Variants in XKR6 observed in about 807,000 individuals in gnomAD.
XKR6 encodes the protein XK-related protein 6.
In XKR6, 22 loss-of-function variants were observed where a neutral mutation model predicts 56.7. The observed-to-expected ratio is 0.39, with a 90% CI of 0.28 to 0.55. The LOEUF (loss-of-function observed/expected upper bound fraction) is 0.55, where lower values mean the gene tolerates loss of function less well. XKR6 is among the 20% of genes least tolerant of loss of function. The pLI, the probability that XKR6 is intolerant of heterozygous loss-of-function variation, is 0.66. For missense variants in XKR6, 852 were observed against 889.0 expected, an observed-to-expected ratio of 0.96 and a Z score of 0.53; for synonymous variants, 524 against 387.8, an observed-to-expected ratio of 1.35 and a Z score of -4.13.
intron 1 of XKR6, among the ~76,000 whole-genome samples, chr8:11,152,287 C>CAA (rs1801306547): frequency 6.6e-6 from 1 of 151,934 alleles, no homozygotes. Context: ...TCTACAGTTG[C>CAA]CCTTCCTGAA....
chr8:10,974,578 C>T (rs1802499410), intron 1 of XKR6, among the ~76,000 whole-genome samples: 1 of 152,272 alleles, frequency 6.6e-6, no homozygotes, highest in South Asian at 2.1e-4. Context: ...TTATTTCATC[C>T]CCACTCCCAG....
chr8:11,023,147 A>G (rs1272460097), intron 1 of XKR6, among the ~76,000 whole-genome samples: 1 of 152,218 alleles, frequency 6.6e-6, no homozygotes. Context: ...GGCGGTGAGA[A>G]AATGGGCAGG....
At chr8:11,118,815 C>T (rs550850033) in intron 1 of XKR6, among the ~76,000 whole-genome samples, 1 of 152,282 alleles carries the variant, frequency 6.6e-6, no homozygotes, top group African/African-American at 2.4e-5. Flanking sequence ...TCCTTCAGTT[C>T]TGCCCTGATC....
chr8:11,082,330 C>T (rs182843346), intron 1 of XKR6, among the ~76,000 whole-genome samples: 12 of 152,300 alleles, frequency 7.9e-5, no homozygotes, highest in South Asian at 2.1e-4. Flanking sequence ...CACCCCGTTA[C>T]GAATGTGGGA....
chr8:10,994,477 A>C (rs1798065081), intron 1 of XKR6, among the ~76,000 whole-genome samples: 1 of 152,178 alleles, frequency 6.6e-6, no homozygotes, highest in Non-Finnish European at 1.5e-5. Context: ...TCTTTGCCAG[A>C]GGAAGGGCAG....
At chr8:11,062,559 G>A (rs1025224752) in intron 1 of XKR6, 4 of 360,152 alleles carry the variant, frequency 1.1e-5, no homozygotes, top group African/African-American at 8.6e-5. Context: ...GGCAAAACAG[G>A]GGCTGATTGG....
chr8:10,975,377 C>T (rs1358640646), intron 1 of XKR6, among the ~76,000 whole-genome samples: 1 of 152,226 alleles, frequency 6.6e-6, no homozygotes, highest in East Asian at 1.9e-4. Flanking sequence ...CCAGTGTCCT[C>T]CCCAGCGCGC....
intron 1 of XKR6, among the ~76,000 whole-genome samples, chr8:11,154,808 G>A (rs1356682749): frequency 6.6e-6 from 1 of 152,148 alleles, no homozygotes; most frequent in Admixed American, 6.5e-5. Flanking sequence ...GAAAACAAAA[G>A]TACCTTGTCT....
chr8:11,061,676 G>A (rs1322425814), intron 1 of XKR6, among the ~76,000 whole-genome samples: 1 of 152,140 alleles, frequency 6.6e-6, no homozygotes, highest in Admixed American at 6.5e-5. Flanking sequence ...CCTGGGGGCT[G>A]TGAAAGTACA....
intron 1 of XKR6, among the ~76,000 whole-genome samples, chr8:10,983,550 C>T (rs1563327350): frequency 1.3e-5 from 2 of 152,174 alleles, no homozygotes. Context: ...AAGAACTTGG[C>T]CCACTAGGTT....
chr8:11,118,919 C>A (rs534011689), intron 1 of XKR6, among the ~76,000 whole-genome samples: 2 of 152,268 alleles, frequency 1.3e-5, no homozygotes, highest in African/African-American at 4.8e-5. Flanking sequence ...AATTTTAGAT[C>A]TTTCCTGCTT....
rs1798373448 is a variant in XKR6 at position 11,006,562 on chromosome 8, G to T, written c.765-81732C>A. On this transcript the variant is annotated intron_variant, in intron 1 of 2. Coordinates refer to ENST00000416569, the MANE Select transcript of XKR6 (RefSeq NM_173683.4). ...AGTAAGGCATCTGTAGATGAACAGG[G>T]TTGTGGGTACACACAGAGTGAAGAC... 4.6e-5 allele frequency among the ~76,000 whole-genome samples: 7 copies of T among 152,290 alleles called. No individual in the cohort carries two copies. In the South Asian group the frequency reaches 1.5e-3, roughly 32 times the overall value.
At chr8:10,971,996 G>A (rs555381625) in intron 1 of XKR6, among the ~76,000 whole-genome samples, 5 of 152,134 alleles carry the variant, frequency 3.3e-5, no homozygotes, top group African/African-American at 9.7e-5. Flanking sequence ...CTCCACCTCC[G>A]ATCAATCCCA....
At chr8:11,004,026 C>T (rs1292607432) in intron 1 of XKR6, among the ~76,000 whole-genome samples, 1 of 152,104 alleles carries the variant, frequency 6.6e-6, no homozygotes, top group Non-Finnish European at 1.5e-5. Flanking sequence ...TGGGGCATCA[C>T]AAGAGTGAGT....
intron 1 of XKR6, among the ~76,000 whole-genome samples, chr8:11,029,020 G>T (rs1457458894): frequency 1.3e-5 from 2 of 152,128 alleles, no homozygotes; most frequent in Non-Finnish European, 2.9e-5. Flanking sequence ...GCGCCTGGAA[G>T]TCACCCCCAC....
intron 1 of XKR6, among the ~76,000 whole-genome samples, chr8:11,171,697 G>A (rs983652429): frequency 6.6e-6 from 1 of 152,136 alleles, no homozygotes. Flanking sequence ...CAGACGCCAG[G>A]GCCGTGCTTC....
At chr8:11,028,776 C>T (rs2129151142) in intron 1 of XKR6, among the ~76,000 whole-genome samples, 1 of 152,266 alleles carries the variant, frequency 6.6e-6, no homozygotes, top group East Asian at 1.9e-4. Flanking sequence ...ATATCTTGTC[C>T]CATTGACCCT....
At chr8:11,123,552 C>G in intron 1 of XKR6, 1 of 264,202 alleles carries the variant, frequency 3.8e-6, no homozygotes, top group South Asian at 4.3e-5. Context: ...CATCACCAAC[C>G]TCAAACTGGA....
chr8:10,982,040 C>A (rs185153732), intron 1 of XKR6, among the ~76,000 whole-genome samples: 1 of 152,190 alleles, frequency 6.6e-6, no homozygotes, highest in African/African-American at 2.4e-5. Flanking sequence ...ACCGCAGAAG[C>A]CTTAGTTGCT....
Sources: gnomAD v4.1 joint callset for allele counts (sites outside exome capture counted in the v4.1 genomes callset) on GRCh38, gnomAD v4.1.1 for gene constraint, MANE v1.5 for transcripts, NCBI Gene and HGNC (gene_info 2026-07-23, HGNC 2026-07-21) for gene names.